Variants in COL4A5 observed in about 807,000 individuals in gnomAD.
COL4A5 encodes the protein collagen type IV alpha 5 chain.
Under a neutral mutation model 130.2 loss-of-function variants are expected in COL4A5, and 26 were observed. The ratio of observed to expected loss-of-function variants is 0.20; its 90% CI spans 0.15 to 0.28. COL4A5 has a LOEUF of 0.28. Ranked by LOEUF, COL4A5 falls within the 10% of genes least tolerant of loss-of-function variation. COL4A5 has a pLI of 1.00. For synonymous variants in COL4A5, 496 were observed against 439.6 expected (o/e 1.13, Z -1.60); for missense variants, 1,131 against 1,344.3 (o/e 0.84, Z 2.48).
intron 37 of COL4A5, among the ~76,000 whole-genome samples, chrX:108,662,723 T>C (rs978053944): frequency 3.6e-5 from 4 of 111,769 alleles, no homozygotes; most frequent in African/African-American, 1.3e-4. Flanking sequence ...CACAAACAAA[T>C]GGAAAACATT....
chrX:108,674,172 C>T (rs16985533), intron 42 of COL4A5, among the ~76,000 whole-genome samples: 2,037 of 111,206 alleles, frequency 0.018, 53 homozygotes, highest in African/African-American at 0.064. Flanking sequence ...TAATGGCCAT[C>T]GTATATTCAT....
At chrX:108,677,241 T>A (rs2068321098) in intron 43 of COL4A5, among the ~76,000 whole-genome samples, 1 of 112,220 alleles carries the variant, frequency 8.9e-6, no homozygotes, top group Non-Finnish European at 1.9e-5. Context: ...GCCATGAGTC[T>A]TTTTCTTTAG....
chrX:108,692,725 G>C, intron 49 of COL4A5, 23 bp from the exon 50 acceptor site: 8 of 1,206,551 alleles, frequency 6.6e-6, no homozygotes, highest in Non-Finnish European at 9.0e-6. Context: ...GTCCTTTACT[G>C]TTTTCTCTCC....
Position 108,680,928 on chromosome X carries a change from G to T in COL4A5, c.4059G>T (p.Glu1353Asp). 8.3e-7 allele frequency: 1 copy of T among 1,210,273 alleles called. No individual in the cohort carries two copies. The highest frequency in any genetic ancestry group is 1.7e-5 in the African/African-American group (1 of 57,664). Residue 1353 changes from glutamate to aspartate, a missense_variant, in exon 46 of 53, where the codon GAG (glutamate) becomes GAT (aspartate). Physicochemically the swap from Glu to Asp is conservative, Grantham distance 45 (BLOSUM62 2). Coordinates refer to ENST00000328300, the MANE Select transcript of COL4A5 (RefSeq NM_033380.3). The part of the protein sequence containing the change: ...PSGVPGSAGP[E>D]GEPGLIGPPG... ...GAGTACCTGGATCAGCTGGCCCTGAGGGGGAACCGGGACTTATTGGTCCTC... is the reference window on the plus strand; with the variant it reads ...GAGTACCTGGATCAGCTGGCCCTGATGGGGAACCGGGACTTATTGGTCCTC...
chrX:108,695,451 A>C lies in COL4A5; in HGVS notation c.4994+12A>C. On this transcript the variant is annotated intron_variant, in intron 52 of 52. Transcript: ENST00000328300. ...TCAGACATGTTCAGGTAAAGTGCTT[A>C]TAGCTTTAATTCAGGTCCAAAGCTT... The C allele has an allele frequency of 8.3e-7, 1 of 1,207,927 alleles. No homozygotes were observed. The highest frequency in any genetic ancestry group is 1.1e-6 in the Non-Finnish European group (1 of 892,066).
chrX:108,607,021 A>AT, intron 29 of COL4A5, 129 bp downstream of exon 29: 1 of 649,949 alleles, frequency 1.5e-6, no homozygotes, highest in Non-Finnish European at 2.5e-6. Context: ...ACTGCTACAC[A>AT]TTTTTTTCAA....
chrX:108,631,485 T>G (rs2067258722), intron 36 of COL4A5, among the ~76,000 whole-genome samples: 1 of 110,790 alleles, frequency 9.0e-6, no homozygotes, highest in Admixed American at 9.7e-5. Context: ...AGAATGCTTA[T>G]GATACATCTC....
In COL4A5 at chrX:108,510,956, C is replaced by T. The variant is rs2065174503; in HGVS notation, c.82-28790C>T. On this transcript the variant is annotated intron_variant, in intron 1 of 52. Transcript: ENST00000328300. ...TTGGTAACTAGCATATCTATCATCT[C>T]ATACCTTTATTATTTCTTCATGTGG... Among the ~76,000 whole-genome samples, 3 of 111,444 alleles carry T rather than the reference C, an allele frequency of 2.7e-5. No homozygotes were observed. In the South Asian group the frequency reaches 1.1e-3, roughly 42 times the overall value.
intron 1 of COL4A5, among the ~76,000 whole-genome samples, chrX:108,506,773 G>A (rs190326417): frequency 4.5e-5 from 5 of 110,003 alleles, no homozygotes; most frequent in African/African-American, 1.3e-4. Flanking sequence ...TAAGAGATAG[G>A]TCTGACTCTG....
chrX:108,551,762 CAT>C (rs1258089492), intron 2 of COL4A5, among the ~76,000 whole-genome samples: 1 of 111,774 alleles, frequency 8.9e-6, no homozygotes, highest in East Asian at 2.8e-4. Context: ...CACGTGCACT[CAT>C]ATGTTCATCA....
intron 4 of COL4A5, among the ~76,000 whole-genome samples, chrX:108,564,904 G>A (rs1356505009): frequency 1.8e-5 from 2 of 111,314 alleles, no homozygotes; most frequent in East Asian, 5.6e-4. Context: ...TGCATCTTGT[G>A]ACTGATACGG....
intron 21 of COL4A5, among the ~76,000 whole-genome samples, chrX:108,594,565 C>T (rs2147804043): frequency 9.0e-6 from 1 of 110,695 alleles, no homozygotes; most frequent in African/African-American, 3.3e-5. Flanking sequence ...TCGTTATAAA[C>T]TGTCAACTTT....
chrX:108,693,849 A>G (rs2148000088), intron 50 of COL4A5: 1 of 111,693 alleles, frequency 9.0e-6, no homozygotes, highest in African/African-American at 3.2e-5. Context: ...GTTTAACTCA[A>G]TCTCTTAGGA....
chrX:108,522,942 A>T (rs1469009761), intron 1 of COL4A5, among the ~76,000 whole-genome samples: 1 of 106,821 alleles, frequency 9.4e-6, no homozygotes, highest in Non-Finnish European at 1.9e-5. Context: ...CACTGGCTCA[A>T]TCTTGGCTCA....
At chrX:108,645,950 T>A (rs1456707440) in intron 36 of COL4A5, among the ~76,000 whole-genome samples, 2 of 111,259 alleles carry the variant, frequency 1.8e-5, no homozygotes, top group Non-Finnish European at 3.8e-5. Flanking sequence ...ATGGTGTATA[T>A]GTGCCACATT....
intron 3 of COL4A5, among the ~76,000 whole-genome samples, chrX:108,560,895 A>G (rs2065890403): frequency 9.0e-6 from 1 of 111,667 alleles, no homozygotes; most frequent in African/African-American, 3.3e-5. Context: ...GGAGGCAGAA[A>G]TAGAGAAATA....
intron 30 of COL4A5, among the ~76,000 whole-genome samples, chrX:108,618,316 G>A (rs1036277358): frequency 1.8e-5 from 2 of 111,460 alleles, no homozygotes; most frequent in African/African-American, 6.5e-5. Context: ...GATGAAGAAA[G>A]AAATCCTTGC....
At chrX:108,631,474 A>G (rs762428343) in intron 36 of COL4A5, among the ~76,000 whole-genome samples, 23 of 110,919 alleles carry the variant, frequency 2.1e-4, no homozygotes, top group Admixed American at 1.9e-4. Context: ...ATTGGTGTAT[A>G]AGAATGCTTA....
intron 47 of COL4A5, 47 bp from the exon 48 acceptor site, chrX:108,685,984 G>A (rs777246896): frequency 4.8e-6 from 5 of 1,032,743 alleles, no homozygotes; most frequent in South Asian, 1.9e-5. Context: ...CTGTCCAGAT[G>A]TGAAAATATT....
Sources: allele counts gnomAD v4.1 joint callset (sites outside exome capture counted in the v4.1 genomes callset), GRCh38; gene constraint gnomAD v4.1.1; transcripts MANE v1.5; gene names NCBI Gene and HGNC (gene_info 2026-07-23, HGNC 2026-07-21).